ADAMTSL1: variants seen among roughly 807,000 people sequenced by gnomAD.
ADAMTSL1 encodes the protein ADAMTS-like protein 1.
ADAMTSL1 carries 126 observed loss-of-function variants against 201.8 expected under a neutral mutation model. The ratio of observed to expected loss-of-function variants is 0.62; its 90% CI spans 0.54 to 0.72. The LOEUF (loss-of-function observed/expected upper bound fraction) is 0.72, where lower values mean the gene tolerates loss of function less well. Ranked by LOEUF, ADAMTSL1 falls within the 30% of genes least tolerant of loss-of-function variation. The pLI, the probability that ADAMTSL1 is intolerant of heterozygous loss-of-function variation, is 0.00. For synonymous variants in ADAMTSL1, 1,121 were observed against 903.4 expected (o/e 1.24, Z -4.32); for missense variants, 2,679 against 2,277.8 (o/e 1.18, Z -3.59).
chr9:18,336,297 C>T lies in ADAMTSL1; in HGVS notation c.208-168532C>T, dbSNP rs779519617. ...CTTAAACATTTTGCTTTTAGGGGGA[C>T]GATGTAATTTCATTTTTTTTTTTTT... On this transcript the variant is annotated intron_variant, in intron 2 of 29. Coordinates refer to the ADAMTSL1 transcript ENST00000680146. Among the ~76,000 whole-genome samples the T allele has an allele frequency of 7.4e-5, 11 of 148,816 alleles. 1 individual carries two copies. Among genetic ancestry groups the T allele is most frequent in the East Asian group, 3.9e-4 (2 of 5,096 alleles).
intron 2 of ADAMTSL1, among the ~76,000 whole-genome samples, chr9:18,193,450 G>T (rs780608987): frequency 3.3e-5 from 5 of 152,072 alleles, no homozygotes; most frequent in Non-Finnish European, 5.9e-5. Context: ...GTTCAGAAAA[G>T]CTCCTTTGCC....
chr9:18,361,009 T>G (rs1836494486), intron 2 of ADAMTSL1, among the ~76,000 whole-genome samples: 1 of 152,164 alleles, frequency 6.6e-6, no homozygotes, highest in Admixed American at 6.5e-5. Flanking sequence ...AAAATGGTGA[T>G]TAGAATCATG....
chr9:18,318,856 T>C (rs1834511121), intron 2 of ADAMTSL1, among the ~76,000 whole-genome samples: 1 of 152,202 alleles, frequency 6.6e-6, no homozygotes, highest in South Asian at 2.1e-4. Context: ...GCCAAGTGCT[T>C]TTATAGATAT....
chr9:18,337,559 C>T (rs866586568), intron 2 of ADAMTSL1, among the ~76,000 whole-genome samples: 6 of 152,222 alleles, frequency 3.9e-5, no homozygotes, highest in Middle Eastern at 3.4e-3. Flanking sequence ...AACTGAGACA[C>T]AGTGAAATTA....
chr9:17,907,203 G>C (rs1175311882), intron 1 of ADAMTSL1, among the ~76,000 whole-genome samples: 1 of 152,294 alleles, frequency 6.6e-6, no homozygotes, highest in Middle Eastern at 3.4e-3. Context: ...AGGCAGAGCC[G>C]GGGCGAGAAG....
At chr9:18,683,400 A>AT (rs112638357) in intron 12 of ADAMTSL1, among the ~76,000 whole-genome samples, 39,547 of 140,290 alleles carry the variant, frequency 0.28, 5,198 homozygotes, top group South Asian at 0.38. Flanking sequence ...AATTTTTTGT[A>AT]TTTTTTTTTT....
At chr9:18,029,687 A>T (rs1405629903) in intron 1 of ADAMTSL1, among the ~76,000 whole-genome samples, 1 of 152,150 alleles carries the variant, frequency 6.6e-6, no homozygotes, top group African/African-American at 2.4e-5. Context: ...CAATGAACTC[A>T]AACAAATTTA....
At chr9:18,022,363 A>T (rs979065870) in intron 1 of ADAMTSL1, among the ~76,000 whole-genome samples, 1 of 152,052 alleles carries the variant, frequency 6.6e-6, no homozygotes, top group African/African-American at 2.4e-5. Context: ...CCCTTTCCCA[A>T]GATTATTGAT....
intron 13 of ADAMTSL1, among the ~76,000 whole-genome samples, chr9:18,702,154 A>T (rs1323512573): frequency 6.6e-6 from 1 of 151,994 alleles, no homozygotes; most frequent in African/African-American, 2.4e-5. Context: ...CACAGGAAAG[A>T]CCCGCCCCCA....
chr9:18,810,950 T>A (rs1357649868), intron 20 of ADAMTSL1, among the ~76,000 whole-genome samples: 1 of 142,060 alleles, frequency 7.0e-6, no homozygotes, highest in Non-Finnish European at 1.5e-5. Context: ...GTTTTCTTTT[T>A]GCCTCATAAA....
At chr9:18,721,513 C>T (rs1276880688) in intron 14 of ADAMTSL1, 23 bp from the exon 15 acceptor site, 6 of 1,612,738 alleles carry the variant, frequency 3.7e-6, no homozygotes, top group Non-Finnish European at 5.1e-6. Flanking sequence ...GCACTCTGGC[C>T]TGACCGTGTG....
At chr9:18,110,554 C>T (rs948351172) in intron 1 of ADAMTSL1, among the ~76,000 whole-genome samples, 2 of 152,140 alleles carry the variant, frequency 1.3e-5, no homozygotes, top group East Asian at 3.9e-4. Flanking sequence ...GAGCTTGAGG[C>T]TTTGAGGGGT....
intron 20 of ADAMTSL1, among the ~76,000 whole-genome samples, chr9:18,815,677 C>T (rs1288558854): frequency 7.0e-6 from 1 of 143,022 alleles, no homozygotes; most frequent in Non-Finnish European, 1.5e-5. Context: ...CACTGCCCTC[C>T]AGCCTGGATG....
intron 1 of ADAMTSL1, among the ~76,000 whole-genome samples, chr9:18,136,382 GC>G (rs1242782725): frequency 6.6e-6 from 1 of 152,056 alleles, no homozygotes; most frequent in Non-Finnish European, 1.5e-5. Flanking sequence ...AGCAAGAGTG[GC>G]CTATATTCTC....
chr9:18,588,754 A>G (rs1362245938), intron 4 of ADAMTSL1, among the ~76,000 whole-genome samples: 1 of 151,346 alleles, frequency 6.6e-6, no homozygotes, highest in East Asian at 1.9e-4. Flanking sequence ...TTTGTTGAAA[A>G]TGGGTTGGCT....
intron 1 of ADAMTSL1, among the ~76,000 whole-genome samples, chr9:18,008,467 T>G (rs1292170983): frequency 2.0e-5 from 3 of 151,972 alleles, no homozygotes; most frequent in Non-Finnish European, 1.5e-5. Context: ...CTTGAGTAAG[T>G]TAGGACAGGC....
chr9:18,774,973 G>T (rs1446393357), intron 17 of ADAMTSL1, among the ~76,000 whole-genome samples: 4 of 152,132 alleles, frequency 2.6e-5, no homozygotes, highest in Non-Finnish European at 5.9e-5. Context: ...GTTTTCTAAA[G>T]AGGCTGTATC....
At chr9:18,232,633 C>T (rs979499932) in intron 2 of ADAMTSL1, among the ~76,000 whole-genome samples, 1 of 152,120 alleles carries the variant, frequency 6.6e-6, no homozygotes, top group Non-Finnish European at 1.5e-5. Flanking sequence ...GAATGGGTCT[C>T]TGTAGTTAGA....
chr9:18,895,392 G>A (rs998411782), intron 26 of ADAMTSL1, among the ~76,000 whole-genome samples: 2 of 151,978 alleles, frequency 1.3e-5, no homozygotes, highest in East Asian at 3.9e-4. Context: ...TAAGATGATA[G>A]GAAATTTCCT....
Sources: allele counts gnomAD v4.1 joint callset (sites outside exome capture counted in the v4.1 genomes callset), GRCh38; gene constraint gnomAD v4.1.1; transcripts MANE v1.5; gene names NCBI Gene and HGNC (gene_info 2026-07-23, HGNC 2026-07-21).